Variants in UNC5D observed in about 807,000 individuals in gnomAD.
The protein encoded by UNC5D is netrin receptor UNC5D.
UNC5D carries 39 observed loss-of-function variants against 105.4 expected under a neutral mutation model. The ratio of observed to expected loss-of-function variants is 0.37; its 90% CI spans 0.29 to 0.48. The LOEUF is 0.48. UNC5D is among the 20% of genes least tolerant of loss of function. UNC5D has a pLI of 0.98. For missense variants in UNC5D, 991 were observed against 1,202.4 expected, an observed-to-expected ratio of 0.82 and a Z score of 2.60; for synonymous variants, 452 against 450.4, an observed-to-expected ratio of 1.00 and a Z score of -0.04.
Position 35,264,729 on chromosome 8 carries a change from CAAAAAAAAAAAA to C in UNC5D, c.103+28855_103+28866del, listed in dbSNP as rs6150548. 9.9e-3 allele frequency among the ~76,000 whole-genome samples: 1,407 copies of C among 142,590 alleles called. 21 individuals carry two copies. The highest frequency in any genetic ancestry group is 0.05 in the Middle Eastern group (14 of 282). The allele number at this position is 142,590 out of a possible 152,430, so 93.5% of individuals were successfully genotyped here. ...TGGGTGATGGAGCAAGACTCTGTCT[CAAAAAAAAAAAA>C]AAAAAAAAAAAAGAGTAAAAGGTGT... On this transcript the variant is annotated intron_variant, in intron 1 of 16. Transcript: ENST00000404895.
At chr8:35,771,585 A>G (rs141354539) in intron 15 of UNC5D, among the ~76,000 whole-genome samples, 112 of 152,350 alleles carry the variant, frequency 7.4e-4, no homozygotes, top group Non-Finnish European at 1.3e-3. Flanking sequence ...GAAGCTGAGT[A>G]GGTTCATTTT....
At chr8:35,582,891 G>A (rs1818549277) in intron 3 of UNC5D, among the ~76,000 whole-genome samples, 1 of 152,194 alleles carries the variant, frequency 6.6e-6, no homozygotes, top group South Asian at 2.1e-4. Flanking sequence ...GAAAGTCAGA[G>A]ATGATTCTCC....
At chr8:35,369,374 T>C (rs558967677) in intron 1 of UNC5D, among the ~76,000 whole-genome samples, 1 of 152,334 alleles carries the variant, frequency 6.6e-6, no homozygotes, top group Admixed American at 6.5e-5. Flanking sequence ...TAGGATGTTT[T>C]GGAGCAGAAT....
chr8:35,600,745 A>G (rs1209436512), intron 4 of UNC5D, among the ~76,000 whole-genome samples: 1 of 152,138 alleles, frequency 6.6e-6, no homozygotes, highest in East Asian at 1.9e-4. Context: ...CCCATTCTGT[A>G]GGTTGCCTGT....
intron 3 of UNC5D, among the ~76,000 whole-genome samples, chr8:35,579,278 A>C (rs1322557248): frequency 1.3e-5 from 2 of 152,192 alleles, no homozygotes; most frequent in Non-Finnish European, 2.9e-5. Flanking sequence ...GCATTCCAGA[A>C]ACTTGCCAAG....
At chr8:35,603,141 G>A (rs1292302369) in intron 4 of UNC5D, among the ~76,000 whole-genome samples, 5 of 151,938 alleles carry the variant, frequency 3.3e-5, no homozygotes, top group African/African-American at 9.7e-5. Flanking sequence ...TGATGTTAGC[G>A]TGTCAATTTT....
intron 1 of UNC5D, among the ~76,000 whole-genome samples, chr8:35,267,338 G>T (rs936444014): frequency 2.0e-5 from 3 of 152,062 alleles, no homozygotes; most frequent in Non-Finnish European, 4.4e-5. Context: ...ATAGCATGTT[G>T]TATTGATATA....
intron 1 of UNC5D, among the ~76,000 whole-genome samples, chr8:35,386,425 G>T (rs534818937): frequency 6.6e-6 from 1 of 152,094 alleles, no homozygotes; most frequent in East Asian, 1.9e-4. Context: ...GTACCTTATT[G>T]TTTTTTTAAC....
intron 8 of UNC5D, among the ~76,000 whole-genome samples, chr8:35,718,876 CGA>C (rs1828409434): frequency 6.6e-6 from 1 of 151,898 alleles, no homozygotes; most frequent in East Asian, 1.9e-4. Context: ...CTTTTGTTAG[CGA>C]GTGTCCATCT....
chr8:35,353,468 C>T (rs1046606553), intron 1 of UNC5D, among the ~76,000 whole-genome samples: 12 of 152,126 alleles, frequency 7.9e-5, no homozygotes, highest in African/African-American at 2.2e-4. Flanking sequence ...AGAATCTCCA[C>T]GTACATAATA....
chr8:35,484,746 T>C (rs956151795), intron 1 of UNC5D, among the ~76,000 whole-genome samples: 15 of 152,184 alleles, frequency 9.9e-5, no homozygotes, highest in Non-Finnish European at 1.9e-4. Flanking sequence ...CTAAAATGAA[T>C]TGAATGCATA....
chr8:35,731,243 A>G, intron 11 of UNC5D, 147 bp downstream of exon 11: 1 of 664,438 alleles, frequency 1.5e-6, no homozygotes, highest in South Asian at 1.9e-5. Flanking sequence ...TACTAAAAAT[A>G]CAAAAAAATT....
chr8:35,576,617 T>A (rs1427608703), intron 3 of UNC5D, among the ~76,000 whole-genome samples: 1 of 152,122 alleles, frequency 6.6e-6, no homozygotes, highest in East Asian at 1.9e-4. Flanking sequence ...TTTGTTTGTT[T>A]GTTTGTTTGT....
chr8:35,683,253 T>C (rs745474367), intron 4 of UNC5D, among the ~76,000 whole-genome samples: 17 of 152,234 alleles, frequency 1.1e-4, no homozygotes, highest in Non-Finnish European at 1.5e-5. Context: ...AATGGCCTAA[T>C]TGCAGTCACC....
chr8:35,541,120 G>A (rs1306593739), intron 1 of UNC5D, among the ~76,000 whole-genome samples: 1 of 152,116 alleles, frequency 6.6e-6, no homozygotes, highest in African/African-American at 2.4e-5. Flanking sequence ...AACTGTTCAC[G>A]AATCAAGCAG....
At chr8:35,393,743 C>A (rs987815273) in intron 1 of UNC5D, among the ~76,000 whole-genome samples, 9 of 152,136 alleles carry the variant, frequency 5.9e-5, no homozygotes, top group Admixed American at 3.9e-4. Flanking sequence ...TCAGAGGAAA[C>A]TCCCTCCTCC....
chr8:35,587,993 T>TATAC (rs1376973554), intron 3 of UNC5D, among the ~76,000 whole-genome samples: 3 of 141,202 alleles, frequency 2.1e-5, no homozygotes, highest in Non-Finnish European at 3.1e-5. Context: ...TATATATATA[T>TATAC]ACTAATCCCA....
chr8:35,610,392 T>C (rs1329159609), intron 4 of UNC5D, among the ~76,000 whole-genome samples: 1 of 152,240 alleles, frequency 6.6e-6, no homozygotes, highest in Non-Finnish European at 1.5e-5. Context: ...TTGGATTAAA[T>C]TATCTTCTAG....
intron 1 of UNC5D, among the ~76,000 whole-genome samples, chr8:35,260,804 C>T (rs1440446529): frequency 6.6e-6 from 1 of 152,084 alleles, no homozygotes; most frequent in Non-Finnish European, 1.5e-5. Flanking sequence ...CTCTTAAATG[C>T]CATTTGCCAA....
Sources: gnomAD v4.1 joint callset for allele counts (sites outside exome capture counted in the v4.1 genomes callset) on GRCh38, gnomAD v4.1.1 for gene constraint, MANE v1.5 for transcripts, NCBI Gene and HGNC (gene_info 2026-07-23, HGNC 2026-07-21) for gene names.